The following LRRC59 variants were observed in gnomAD, a reference collection of about 807,000 sequenced individuals.
LRRC59 encodes the protein leucine-rich repeat-containing protein 59.
LRRC59 carries 18 observed loss-of-function variants against 33.5 expected under a neutral mutation model. The observed-to-expected ratio is 0.54, with a 90% CI of 0.37 to 0.80. The LOEUF is 0.80. LRRC59 is among the 30% of genes least tolerant of loss of function. LRRC59 has a pLI of 0.00. For missense variants in LRRC59, 330 were observed against 391.9 expected (o/e 0.84, Z 1.33); for synonymous variants, 138 against 160.0 (o/e 0.86, Z 1.04).
At chr17:50,394,054 G>A (rs1433319638) in intron 2 of LRRC59, among the ~76,000 whole-genome samples, 1 of 151,730 alleles carries the variant, frequency 6.6e-6, no homozygotes, top group Non-Finnish European at 1.5e-5. Context: ...CTTTTTGAAT[G>A]TTAGAAACAG....
chr17:50,383,321 A>C, intron 6 of LRRC59, 86 bp from the exon 7 acceptor site: 1 of 1,448,552 alleles, frequency 6.9e-7, no homozygotes, highest in Non-Finnish European at 9.2e-7. Flanking sequence ...CTCCGTGCAG[A>C]TCTACCTACA....
At chr17:50,394,878 G>A (rs1161308560) in intron 2 of LRRC59, 51 bp downstream of exon 2, 24 of 1,269,542 alleles carry the variant, frequency 1.9e-5, no homozygotes, top group East Asian at 9.8e-5. Flanking sequence ...GAAACAGGAA[G>A]GAGATGCATC....
At chr17:50,396,828 G>T in intron 1 of LRRC59, 1 of 288,946 alleles carries the variant, frequency 3.5e-6, no homozygotes, top group Non-Finnish European at 6.4e-6. Flanking sequence ...GGTCTACCAG[G>T]AGGCCTACTC....
intron 5 of LRRC59, chr17:50,386,326 T>G (rs1914002416): frequency 6.6e-6 from 1 of 152,204 alleles, no homozygotes; most frequent in African/African-American, 2.4e-5. Flanking sequence ...TCAGATTTAC[T>G]CAATGGTTCA....
chr17:50,392,149 G>A (rs1483427775), intron 4 of LRRC59, among the ~76,000 whole-genome samples: 2 of 152,196 alleles, frequency 1.3e-5, no homozygotes, highest in Admixed American at 1.3e-4. Flanking sequence ...GGAGTGGGCC[G>A]AGATTGTGCC....
chr17:50,392,953 GC>G, intron 2 of LRRC59, 56 bp from the exon 3 acceptor site: 1 of 1,511,880 alleles, frequency 6.6e-7, no homozygotes, highest in Non-Finnish European at 9.1e-7. Flanking sequence ...AGCCACGACA[GC>G]TTTAAATGTG....
intron 1 of LRRC59, chr17:50,396,195 A>C (rs1914268758): frequency 6.6e-6 from 1 of 152,270 alleles, no homozygotes; most frequent in African/African-American, 2.4e-5. Flanking sequence ...TACAGCGGGA[A>C]AAACACAACA....
chr17:50,388,532 C>T (rs1188180241), intron 4 of LRRC59, among the ~76,000 whole-genome samples: 1 of 151,654 alleles, frequency 6.6e-6, no homozygotes, highest in African/African-American at 2.4e-5. Context: ...AGACTGAGAC[C>T]CTATCTCAAA....
At chr17:50,383,317 G>A in intron 6 of LRRC59, 82 bp from the exon 7 acceptor site, 1 of 1,465,676 alleles carries the variant, frequency 6.8e-7, no homozygotes, top group Non-Finnish European at 9.1e-7. Context: ...TCTCCTCCGT[G>A]CAGATCTACC....
chr17:50,387,980 G>A, intron 5 of LRRC59, 80 bp downstream of exon 5: 1 of 1,405,932 alleles, frequency 7.1e-7, no homozygotes, highest in Non-Finnish European at 1.0e-6. Flanking sequence ...TACTCTACTG[G>A]ATCCCAGCTC....
chr17:50,397,088 C>T, intron 1 of LRRC59, 125 bp downstream of exon 1: 1 of 715,264 alleles, frequency 1.4e-6, no homozygotes, highest in South Asian at 2.3e-5. Context: ...GACTTAGTCC[C>T]ACCACCCCGC....
At chr17:50,393,624 C>T (rs1261675166) in intron 2 of LRRC59, among the ~76,000 whole-genome samples, 1 of 152,220 alleles carries the variant, frequency 6.6e-6, no homozygotes, top group Non-Finnish European at 1.5e-5. Context: ...ATCCCCCTGA[C>T]ATTAAACCTT....
chr17:50,385,106 C>G lies in LRRC59; in HGVS notation c.676+12G>C. The stretch of plus-strand genomic sequence containing the variant: ...ACCCCTGCTGGAATCTTACAACAGG[C>G]AGAAAACTTACTCGGGGCCTGATTT... On this transcript the variant is annotated intron_variant, in intron 6 of 6. Coordinates refer to ENST00000225972, the MANE Select transcript of LRRC59 (RefSeq NM_018509.4). 6.2e-7 allele frequency: 1 copy of G among 1,611,814 alleles called. No individual in the cohort carries two copies. The highest frequency in any genetic ancestry group is 8.5e-7 in the Non-Finnish European group (1 of 1,179,032).
In LRRC59 at chr17:50,388,032, G is replaced by A. The variant is rs199990327; in HGVS notation, c.502+28C>T. 2.4e-5 allele frequency: 39 copies of A among 1,611,734 alleles called. 1 individual carries two copies. Among genetic ancestry groups the A allele is most frequent in the Non-Finnish European group, 3.1e-5 (36 of 1,177,828 alleles). On this transcript the variant is annotated intron_variant, in intron 5 of 6. Coordinates refer to ENST00000225972, the MANE Select transcript of LRRC59 (RefSeq NM_018509.4). The stretch of plus-strand genomic sequence containing the variant: ...CACTGGCTGGGATGAGGACCTGAAA[G>A]ATAACTACAAGAGGGACAGCCACCT...
At chr17:50,387,128 TA>T (rs10678291) in intron 5 of LRRC59, among the ~76,000 whole-genome samples, 1 of 150,124 alleles carries the variant, frequency 6.7e-6, no homozygotes, top group African/African-American at 2.5e-5. Flanking sequence ...AAAAAATAAT[TA>T]AAAAAAAAAC....
chr17:50,391,823 G>A lies in LRRC59; in HGVS notation c.429+575C>T, dbSNP rs1051439534. On this transcript the variant is annotated intron_variant, in intron 4 of 6. Transcript: ENST00000225972. ...CTATTAAAACAACTGTCCACACAGT[G>A]TCATGTTGCATCACGCAAGGTCCCG... 1.6e-4 allele frequency among the ~76,000 whole-genome samples: 25 copies of A among 152,232 alleles called. 1 individual carries two copies. Among genetic ancestry groups the A allele is most frequent in the Admixed American group, 1.2e-3 (19 of 15,286 alleles).
intron 6 of LRRC59, 60 bp from the exon 7 acceptor site, chr17:50,383,295 A>G: frequency 6.6e-7 from 1 of 1,515,052 alleles, no homozygotes; most frequent in Non-Finnish European, 8.9e-7. Context: ...GCTCTATACT[A>G]ATCTCTGCTA....
At position 50,395,377 on chromosome 17, in the gene LRRC59, G is replaced by A. The variant is rs111525876; in HGVS notation, c.106-389C>T. On this transcript the variant is annotated intron_variant, in intron 1 of 6. Transcript: ENST00000225972. ...ATCTCAAAAAAAAAAAAAAAGAAAG[G>A]AAGGCAGGCAGGCAGGCAGGCAAGC... 6.7e-3 allele frequency among the ~76,000 whole-genome samples: 997 copies of A among 149,542 alleles called. 23 individuals are homozygous for A. Among genetic ancestry groups the A allele is most frequent in the African/African-American group, 0.023 (946 of 40,814 alleles).
intron 4 of LRRC59, among the ~76,000 whole-genome samples, chr17:50,390,073 G>A (rs1914104638): frequency 6.8e-6 from 1 of 147,306 alleles, no homozygotes. Context: ...ACTCCAGCCT[G>A]GACGATAGAG....
Sources: gnomAD v4.1 joint callset for allele counts (sites outside exome capture counted in the v4.1 genomes callset) on GRCh38, gnomAD v4.1.1 for gene constraint, MANE v1.5 for transcripts, NCBI Gene and HGNC (gene_info 2026-07-23, HGNC 2026-07-21) for gene names.